The following ZGPAT variants were observed in gnomAD, a reference collection of about 807,000 sequenced individuals.
The protein encoded by ZGPAT is zinc finger CCCH-type with G patch domain-containing protein.
A neutral mutation model predicts 47.9 loss-of-function variants in ZGPAT; 39 were observed. The ratio of observed to expected loss-of-function variants is 0.81; its 90% confidence interval spans 0.63 to 1.06. The LOEUF (loss-of-function observed/expected upper bound fraction) is 1.06. Among genes scored for constraint, ZGPAT ranks in the 50% least tolerant of loss-of-function variants. The pLI is 0.00. For missense variants in ZGPAT, 717 were observed against 681.4 expected (o/e 1.05, Z -0.58); for synonymous variants, 348 against 292.9 (o/e 1.19, Z -1.92).
Position 63,708,753 on chromosome 20 carries a change from G to C in ZGPAT, c.173G>C (p.Arg58Thr). Residue 58 changes from arginine (R) to threonine (T), a missense_variant, in exon 2 of 7, where the codon AGG (arginine) becomes ACG (threonine). By Grantham distance (71) the Arg-to-Thr change is moderately conservative. Transcript: ENST00000355969. ...ELTEASLVSVRKSSLLAALDE... is the reference protein window; with the variant it reads ...ELTEASLVSVTKSSLLAALDE... ...ACCGAGGCCAGCCTGGTGTCTGTCA[G>C]GAAGAGCAGCTTGTTGGCCGCGCTG... is the stretch of plus-strand genomic sequence containing the variant. The C allele has an allele frequency of 9.9e-6, 16 of 1,612,332 alleles. No individual in the cohort carries two copies. The highest frequency in any genetic ancestry group is 1.4e-5 in the Non-Finnish European group (16 of 1,179,488).
At position 63,734,740 on chromosome 20, in the gene ZGPAT, A is replaced by G. The variant is rs1478023553; in HGVS notation, c.907A>G (p.Ser303Gly). Residue 303 changes from serine (S) to glycine (G), a missense_variant, in exon 5 of 7, where the codon AGC becomes GGC. Coordinates refer to ENST00000355969, the MANE Select transcript of ZGPAT (RefSeq NM_181485.3). The part of the protein sequence containing the change: ...GSDAVDSGTC[S>G]SAFAGWEVHT... ...AGATGCTGTGGACTCTGGGACCTGCAGCTCTGCCTTTGCTGGCTGGGAGGT... is the reference window on the plus strand; with the variant it reads ...AGATGCTGTGGACTCTGGGACCTGCGGCTCTGCCTTTGCTGGCTGGGAGGT... 6.2e-7 allele frequency: 1 copy of G among 1,614,024 alleles called. No individual in the cohort carries two copies.
intron 2 of ZGPAT, among the ~76,000 whole-genome samples, chr20:63,718,041 C>T (rs2091748690): frequency 6.6e-6 from 1 of 151,886 alleles, no homozygotes. Flanking sequence ...AAAACTCCAT[C>T]TCAAGAAAAG....
At position 63,709,028 on chromosome 20, in the gene ZGPAT, G is replaced by C; in HGVS notation, c.448G>C (p.Ala150Pro). Residue 150 changes from alanine (A) to proline (P), a missense_variant, in exon 2 of 7, where the codon GCC becomes CCC. Physicochemically the swap from Ala to Pro is conservative, Grantham distance 27. Transcript: ENST00000355969. ...SSWGTLEYHN[A>P]MVVGTEEAED... is the part of the protein sequence containing the mutation. ...CTGGGGCACTCTGGAGTATCACAAC[G>C]CCATGGTGGTGGGAACGGAAGAGGC... is the stretch of plus-strand genomic sequence containing the variant. 6.2e-7 allele frequency: 1 copy of C among 1,613,734 alleles called. No individual in the cohort carries two copies. Among genetic ancestry groups the C allele is most frequent in the Non-Finnish European group, 8.5e-7 (1 of 1,180,012 alleles).
chr20:63,718,355 G>A (rs1039444338), intron 2 of ZGPAT, among the ~76,000 whole-genome samples: 4 of 150,928 alleles, frequency 2.7e-5, no homozygotes, highest in Non-Finnish European at 5.9e-5. Flanking sequence ...TTTTGAGAAA[G>A]GGTCTTGCTC....
chr20:63,720,736 G>T (rs2091779116), intron 2 of ZGPAT, among the ~76,000 whole-genome samples: 1 of 152,154 alleles, frequency 6.6e-6, no homozygotes, highest in Non-Finnish European at 1.5e-5. Context: ...TTACAGGTGT[G>T]AGCCACCGCA....
Position 63,708,608 on chromosome 20 carries a change from T to G in ZGPAT, c.28T>G (p.Leu10Val). The G allele has an allele frequency of 6.2e-7, 1 of 1,607,932 alleles. No homozygotes were observed. The highest frequency in any genetic ancestry group is 8.5e-7 in the Non-Finnish European group (1 of 1,176,464). ...GGACGAGGAGAGCCTGGAGTCGGCC[T>G]TGCAGACCTACCGTGCGCAGCTGCA... MDEESLESA[L>V]QTYRAQLQQV... The change falls in exon 2 of 7, where the codon TTG (leucine) becomes GTG (valine). Residue 10 changes from leucine to valine, a missense_variant. Leu to Val is a conservative substitution (Grantham distance 32). Coordinates refer to ENST00000355969, the MANE Select transcript of ZGPAT (RefSeq NM_181485.3).
At position 63,731,268 on chromosome 20, in the gene ZGPAT, G is replaced by A. The variant is rs530115837; in HGVS notation, c.585-1951G>A. On this transcript the variant is annotated intron_variant, in intron 2 of 6. Coordinates refer to ENST00000355969, the MANE Select transcript of ZGPAT (RefSeq NM_181485.3). ...CAAGTCCATCCCGAGAGAGAATGCGGGTGTCTGTGTGTGTGATGTGTGTGA... is the reference window on the plus strand; with the variant it reads ...CAAGTCCATCCCGAGAGAGAATGCGAGTGTCTGTGTGTGTGATGTGTGTGA... Among the ~76,000 whole-genome samples, 11 of 150,696 alleles carry A rather than the reference G, an allele frequency of 7.3e-5. No homozygotes were observed. The East Asian group carries it at 1.9e-3, about 26-fold the overall frequency.
intron 2 of ZGPAT, chr20:63,730,268 C>A (rs2091884203): frequency 6.6e-6 from 1 of 152,156 alleles, no homozygotes; most frequent in Admixed American, 6.6e-5. Flanking sequence ...AGTCCTGTAG[C>A]CCCTGGCGCC....
chr20:63,735,229 G>A lies in ZGPAT; in HGVS notation c.1062G>A (p.Leu354=), dbSNP rs139261348. 3 of 1,587,082 alleles carry A rather than the reference G, an allele frequency of 1.9e-6. No individual in the cohort carries two copies. Among genetic ancestry groups the A allele is most frequent in the Non-Finnish European group, 2.6e-6 (3 of 1,167,170 alleles). Residue 354 remains leucine (L), a synonymous_variant, in exon 6 of 7, where the codon CTG becomes CTA. Transcript: ENST00000355969. ...TGGTGTTGCCTCGAGGGAAGTCGCT[G>A]GACCAGTGTGTGGAGACCCTGCAGA... The part of the protein sequence containing the change: ...HAVVLPRGKS[L]DQCVETLQKQ...
At chr20:63,725,040 A>C (rs1336820629) in intron 2 of ZGPAT, among the ~76,000 whole-genome samples, 1 of 142,144 alleles carries the variant, frequency 7.0e-6, no homozygotes, top group Non-Finnish European at 1.5e-5. Flanking sequence ...GCTGGAGTGC[A>C]GTGGCACGAT....
chr20:63,724,930 C>T (rs1049607673), intron 2 of ZGPAT, among the ~76,000 whole-genome samples: 9 of 151,676 alleles, frequency 5.9e-5, no homozygotes, highest in African/African-American at 2.2e-4. Context: ...CTGTCCTGGC[C>T]TCCCAAAATG....
chr20:63,715,527 C>T (rs2091718464), intron 2 of ZGPAT, among the ~76,000 whole-genome samples: 1 of 152,176 alleles, frequency 6.6e-6, no homozygotes, highest in Non-Finnish European at 1.5e-5. Flanking sequence ...GCGTGAGCCA[C>T]CGCAGCGAGC....
intron 2 of ZGPAT, among the ~76,000 whole-genome samples, chr20:63,712,547 TATGG>T (rs2091679751): frequency 1.3e-5 from 2 of 152,334 alleles, no homozygotes; most frequent in Admixed American, 6.5e-5. Context: ...TGAATTTTGA[TATGG>T]ATTGCATAGA....
chr20:63,718,633 T>C lies in ZGPAT; in HGVS notation c.584+9469T>C, dbSNP rs995304106. On this transcript the variant is annotated intron_variant, in intron 2 of 6. Coordinates refer to ENST00000355969, the MANE Select transcript of ZGPAT (RefSeq NM_181485.3). ...ACCATGCCCAGCCCCCAATTTTTTT[T>C]TTTTAATAGAGAGAAGGTCTCACTC... Among the ~76,000 whole-genome samples the C allele has an allele frequency of 4.6e-5, 7 of 152,124 alleles. No homozygotes were observed. The East Asian group carries it at 1.4e-3, about 30-fold the overall frequency.
chr20:63,714,796 C>T (rs1568787267), intron 2 of ZGPAT, among the ~76,000 whole-genome samples: 1 of 151,904 alleles, frequency 6.6e-6, no homozygotes, highest in Non-Finnish European at 1.5e-5. Flanking sequence ...GCATGAGCCA[C>T]CATGCCCAGC....
chr20:63,715,034 G>T (rs954288809), intron 2 of ZGPAT, among the ~76,000 whole-genome samples: 1 of 151,656 alleles, frequency 6.6e-6, no homozygotes, highest in African/African-American at 2.4e-5. Context: ...ATTGATTTTC[G>T]TATGTTGAAC....
At chr20:63,711,808 G>A (rs760078350) in intron 2 of ZGPAT, among the ~76,000 whole-genome samples, 14 of 152,062 alleles carry the variant, frequency 9.2e-5, no homozygotes, top group African/African-American at 1.2e-4. Flanking sequence ...GGCTGGTCTC[G>A]AACTCTTGAC....
chr20:63,722,321 C>T (rs958130190), intron 2 of ZGPAT, among the ~76,000 whole-genome samples: 2 of 152,132 alleles, frequency 1.3e-5, no homozygotes, highest in African/African-American at 4.8e-5. Flanking sequence ...TCATCTGGTT[C>T]GTAGACACCA....
rs373955065 is a variant in ZGPAT at position 63,735,351 on chromosome 20, T to G, written c.1184T>G (p.Phe395Cys). The change falls in exon 6 of 7, where the codon TTT (phenylalanine) becomes TGT (cysteine). Residue 395 changes from phenylalanine (F) to cysteine (C), a missense_variant. By Grantham distance (205) the Phe-to-Cys change is radical. Transcript: ENST00000355969. Reference protein sequence around the residue: ...PGGRPAPRNVFDFLNEKLQGQ... With the variant: ...PGGRPAPRNVCDFLNEKLQGQ... Reference sequence around the variant, plus strand: ...GGCCGCCCAGCTCCTCGGAATGTGTTTGACTTCCTCAATGAAAAGCTGCAA... The same window carrying G: ...GGCCGCCCAGCTCCTCGGAATGTGTGTGACTTCCTCAATGAAAAGCTGCAA... The G allele has an allele frequency of 2.6e-6, 4 of 1,548,780 alleles. No individual in the cohort carries two copies. Among genetic ancestry groups the G allele is most frequent in the Non-Finnish European group, 3.5e-6 (4 of 1,151,692 alleles).
Sources: allele counts gnomAD v4.1 joint callset (sites outside exome capture counted in the v4.1 genomes callset), GRCh38; gene constraint gnomAD v4.1.1; transcripts MANE v1.5; gene names NCBI Gene and HGNC (gene_info 2026-07-23, HGNC 2026-07-21).